The following KCTD1 variants were observed in gnomAD, a reference collection of about 807,000 sequenced individuals.
KCTD1 encodes potassium channel tetramerization domain containing 1.
A neutral mutation model predicts 66.0 loss-of-function variants in KCTD1; 24 were observed. That is an observed-to-expected ratio of 0.36 (90% confidence interval 0.26 to 0.51). KCTD1 has a LOEUF of 0.51. Ranked by LOEUF, KCTD1 falls within the 20% of genes least tolerant of loss-of-function variation. The probability of loss-of-function intolerance (pLI) is 0.95; values close to 1 mark genes in which losing one functional copy is unlikely to be tolerated. For missense variants in KCTD1, 943 were observed against 1,205.2 expected, an observed-to-expected ratio of 0.78 and a Z score of 3.22; for synonymous variants, 511 against 517.2, an observed-to-expected ratio of 0.99 and a Z score of 0.16.
At chr18:26,519,094 T>C (rs1219496439) in intron 1 of KCTD1, among the ~76,000 whole-genome samples, 1 of 152,250 alleles carries the variant, frequency 6.6e-6, no homozygotes, top group East Asian at 1.9e-4. Context: ...CTCAAAGCTT[T>C]TTAAATACAA....
chr18:26,593,649 A>T (rs1012312116), intron 1 of KCTD1, among the ~76,000 whole-genome samples: 408 of 68,596 alleles, frequency 5.9e-3, no homozygotes, highest in East Asian at 0.011. Flanking sequence ...AAGAGAAGGA[A>T]GAGGAGGAAG....
Position 26,577,614 on chromosome 18 carries a change from G to A in KCTD1, c.-16+51533C>T, listed in dbSNP as rs181959556. On this transcript the variant is annotated intron_variant, in intron 1 of 4. Coordinates refer to the KCTD1 transcript ENST00000317932. Reference sequence around the variant, plus strand: ...CAGGCTGAAATGCAGTGGCTCAATCGTAGCTCACTGTAACCTTGAACTCCT... The same window carrying A: ...CAGGCTGAAATGCAGTGGCTCAATCATAGCTCACTGTAACCTTGAACTCCT... 2.0e-5 allele frequency among the ~76,000 whole-genome samples: 3 copies of A among 151,864 alleles called. No homozygotes were observed. In the East Asian group the frequency reaches 5.8e-4, roughly 29 times the overall value.
At position 26,482,717 on chromosome 18, in the gene KCTD1, G is replaced by A. The variant is rs948864753; in HGVS notation, c.1989-6058C>T. On this transcript the variant is annotated intron_variant, in intron 2 of 4. Coordinates refer to ENST00000580059, the MANE Select transcript of KCTD1 (RefSeq NM_001142730.3). Reference sequence around the variant, plus strand: ...ACTCGACACCAGGCCTGGCTTTACCGAGAGGCCAGCAGGTTAATCCTTTCA... The same window carrying A: ...ACTCGACACCAGGCCTGGCTTTACCAAGAGGCCAGCAGGTTAATCCTTTCA... Among the ~76,000 whole-genome samples, 10 of 152,116 alleles carry A rather than the reference G, an allele frequency of 6.6e-5. 1 individual carries two copies. In the South Asian group the frequency reaches 1.7e-3, roughly 25 times the overall value.
At position 26,546,709 on chromosome 18, in the gene KCTD1, T is replaced by C. The variant is rs1471034232; in HGVS notation, c.1809+19A>G. 6.5e-7 allele frequency: 1 copy of C among 1,535,146 alleles called. No individual in the cohort carries two copies. The highest frequency in any genetic ancestry group is 8.8e-7 in the Non-Finnish European group (1 of 1,140,614). ...TGGTACCAAAGAAACATTTCATGCATAGAGTTTGGTTTGGTTACCTGGGTG... is the reference window on the plus strand; with the variant it reads ...TGGTACCAAAGAAACATTTCATGCACAGAGTTTGGTTTGGTTACCTGGGTG... On this transcript the variant is annotated intron_variant, in intron 1 of 4. Coordinates refer to ENST00000580059, the MANE Select transcript of KCTD1 (RefSeq NM_001142730.3).
intron 3 of KCTD1, among the ~76,000 whole-genome samples, chr18:26,464,068 A>T (rs1043411747): frequency 2.0e-5 from 3 of 152,186 alleles, no homozygotes; most frequent in Non-Finnish European, 4.4e-5. Context: ...GAGGAAAACG[A>T]TATATTCAGT....
intron 1 of KCTD1, among the ~76,000 whole-genome samples, chr18:26,606,514 G>T (rs75641797): frequency 0.015 from 2,321 of 152,342 alleles, 60 homozygotes; most frequent in African/African-American, 0.053. Context: ...AATGGAATGT[G>T]TGTGAAATAA....
At chr18:26,516,964 C>T (rs1983682386) in intron 1 of KCTD1, among the ~76,000 whole-genome samples, 1 of 152,168 alleles carries the variant, frequency 6.6e-6, no homozygotes, top group Non-Finnish European at 1.5e-5. Flanking sequence ...GAAAATCAAA[C>T]ACTCACAAGT....
At chr18:26,620,628 G>A (rs1013728985) in intron 1 of KCTD1, among the ~76,000 whole-genome samples, 8 of 151,590 alleles carry the variant, frequency 5.3e-5, no homozygotes, top group Non-Finnish European at 1.0e-4. Flanking sequence ...TAGAGACAGG[G>A]TTTCGCCATG....
At chr18:26,550,681 G>C (rs1280594979), upstream of KCTD1, among the ~76,000 whole-genome samples, 1 of 152,142 alleles carries the variant, frequency 6.6e-6, no homozygotes, top group African/African-American at 2.4e-5. The surrounding 1 kb of genome is among the most constrained non-coding windows in gnomAD (Gnocchi z 5.4). Flanking sequence ...GGAGGTGGCC[G>C]GCTTTGTTCA....
Position 26,599,374 on chromosome 18 carries a change from G to A in KCTD1, c.-16+29773C>T, listed in dbSNP as rs1431204529. ...AGTCTTGATTCTCTTTTGGCTAGCA[G>A]TTTTTAGGTCTGTCAGTACTGCACT... On this transcript the variant is annotated intron_variant, in intron 1 of 4. Coordinates refer to the KCTD1 transcript ENST00000317932. The A allele has an allele frequency of 6.9e-6, 11 of 1,598,518 alleles. No homozygotes were observed. In the Admixed American group the frequency reaches 7.1e-5, roughly 10 times the overall value.
At chr18:26,620,917 C>G (rs1291145075) in intron 1 of KCTD1, among the ~76,000 whole-genome samples, 2 of 150,710 alleles carry the variant, frequency 1.3e-5, no homozygotes, top group Non-Finnish European at 2.9e-5. Context: ...ACTGCAAACT[C>G]CGCCTCCCGG....
chr18:26,566,105 A>G (rs1250051780), intron 1 of KCTD1: 1 of 152,226 alleles, frequency 6.6e-6, no homozygotes, highest in Non-Finnish European at 1.5e-5. Context: ...AGTAGGGACC[A>G]GTTTGTTGAA....
intron 1 of KCTD1, chr18:26,600,419 ACCT>A (rs1986865511): frequency 3.9e-6 from 3 of 762,692 alleles, no homozygotes; most frequent in Admixed American, 2.0e-5. Flanking sequence ...GTCTCCTCCC[ACCT>A]CCTCTGGATT....
At chr18:26,578,821 A>G (rs1403052885) in intron 1 of KCTD1, among the ~76,000 whole-genome samples, 2 of 152,222 alleles carry the variant, frequency 1.3e-5, no homozygotes, top group African/African-American at 4.8e-5. Flanking sequence ...CTTCCAGTTG[A>G]TCAAATTACA....
intron 1 of KCTD1, among the ~76,000 whole-genome samples, chr18:26,612,055 T>C (rs1987150508): frequency 6.6e-6 from 1 of 152,302 alleles, no homozygotes; most frequent in East Asian, 1.9e-4. Flanking sequence ...ATCCTTGCCC[T>C]GTGTGAGCAC....
At chr18:26,504,640 T>C (rs1598902942) in intron 1 of KCTD1, among the ~76,000 whole-genome samples, 2 of 152,144 alleles carry the variant, frequency 1.3e-5, no homozygotes, top group Middle Eastern at 3.4e-3. Context: ...CCCAAGTCAC[T>C]GGGATTACAG....
chr18:26,568,680 A>G (rs4800742), intron 1 of KCTD1, among the ~76,000 whole-genome samples: 63,199 of 152,054 alleles, frequency 0.42, 13,808 homozygotes, highest in Non-Finnish European at 0.5. Flanking sequence ...AGTAATTAAC[A>G]TGATCCATGG....
chr18:26,491,542 AG>A (rs1241254475), intron 2 of KCTD1, among the ~76,000 whole-genome samples: 5 of 152,236 alleles, frequency 3.3e-5, no homozygotes, highest in Non-Finnish European at 7.3e-5. Flanking sequence ...AATAAGAACA[AG>A]ACCCATTTAT....
intron 1 of KCTD1, among the ~76,000 whole-genome samples, chr18:26,513,141 G>A (rs1269358192): frequency 2.1e-5 from 3 of 146,334 alleles, no homozygotes; most frequent in African/African-American, 7.7e-5. Context: ...AGGCTGGAGT[G>A]CAATGGCGCC....
Sources: allele counts gnomAD v4.1 joint callset (sites outside exome capture counted in the v4.1 genomes callset), GRCh38; gene constraint gnomAD v4.1.1; non-coding constraint Gnocchi (gnomAD v3.1); transcripts MANE v1.5; gene names NCBI Gene and HGNC (gene_info 2026-07-23, HGNC 2026-07-21).